PPP3CA: variants seen among roughly 807,000 people sequenced by gnomAD.
PPP3CA encodes CAM-PRP catalytic subunit.
A neutral mutation model predicts 66.5 loss-of-function variants in PPP3CA; 14 were observed. The ratio of observed to expected loss-of-function variants is 0.21; its 90% confidence interval spans 0.14 to 0.33. The LOEUF is 0.33. Among genes scored for constraint, PPP3CA ranks in the 10% least tolerant of loss-of-function variants. The pLI is 1.00. For missense variants in PPP3CA, 317 were observed against 639.5 expected (o/e 0.50, Z 5.44); for synonymous variants, 232 against 226.2 (o/e 1.03, Z -0.23).
intron 7 of PPP3CA, among the ~76,000 whole-genome samples, chr4:101,080,928 C>T (rs866468474): frequency 2.8e-4 from 42 of 152,136 alleles, no homozygotes; most frequent in African/African-American, 9.6e-4. Context: ...TCCATGTGTT[C>T]AACAGAAGGC....
intron 1 of PPP3CA, among the ~76,000 whole-genome samples, chr4:101,222,822 A>T (rs1327094887): frequency 6.6e-6 from 1 of 151,594 alleles, no homozygotes; most frequent in Admixed American, 6.6e-5. Flanking sequence ...TTTTTGCTCC[A>T]GTATATCTGA....
At chr4:101,164,991 A>G (rs938171673) in intron 2 of PPP3CA, among the ~76,000 whole-genome samples, 1 of 151,996 alleles carries the variant, frequency 6.6e-6, no homozygotes, top group Admixed American at 6.6e-5. Context: ...ATTAGCACTG[A>G]CTCTGGGTAG....
intron 1 of PPP3CA, among the ~76,000 whole-genome samples, chr4:101,325,732 C>T (rs998787515): frequency 3.3e-5 from 5 of 152,130 alleles, no homozygotes; most frequent in Non-Finnish European, 5.9e-5. Context: ...TTCTACTGCT[C>T]ACAGTCTTCA....
chr4:101,067,585 C>T (rs191284660), intron 8 of PPP3CA, among the ~76,000 whole-genome samples: 7 of 146,256 alleles, frequency 4.8e-5, no homozygotes, highest in African/African-American at 7.7e-5. Flanking sequence ...GAAAACATTT[C>T]GCAACATGCT....
chr4:101,263,447 G>A (rs746981559), intron 1 of PPP3CA, among the ~76,000 whole-genome samples: 1 of 152,122 alleles, frequency 6.6e-6, no homozygotes, highest in Non-Finnish European at 1.5e-5. Flanking sequence ...ACAAACAAAT[G>A]TTTTTGTTAA....
chr4:101,246,047 T>C (rs1034160842), intron 1 of PPP3CA, among the ~76,000 whole-genome samples: 4 of 152,150 alleles, frequency 2.6e-5, no homozygotes, highest in African/African-American at 9.7e-5. Flanking sequence ...CTTCACAAGT[T>C]ATACGTCAAC....
intron 7 of PPP3CA, among the ~76,000 whole-genome samples, chr4:101,082,391 A>G (rs1234372618): frequency 3.3e-5 from 5 of 152,204 alleles, no homozygotes; most frequent in Non-Finnish European, 5.9e-5. Flanking sequence ...CACACAGGTT[A>G]TAAAAAGAAG....
At chr4:101,317,253 A>C (rs1040031743) in intron 1 of PPP3CA, among the ~76,000 whole-genome samples, 13 of 145,312 alleles carry the variant, frequency 8.9e-5, no homozygotes, top group Non-Finnish European at 1.8e-4. Context: ...CGGTACTCCC[A>C]ACACACACAC....
chr4:101,094,246 CTTACT>C lies in PPP3CA; in HGVS notation c.643-336_643-332del, dbSNP rs577842873. 2.5e-3 allele frequency among the ~76,000 whole-genome samples: 374 copies of C among 152,256 alleles called. 2 individuals carry two copies. The highest frequency in any genetic ancestry group is 8.4e-3 in the African/African-American group (347 of 41,550). On this transcript the variant is annotated intron_variant, in intron 5 of 13. Coordinates refer to ENST00000394854, the MANE Select transcript of PPP3CA (RefSeq NM_000944.5). ...TCTACATTTTATCCTTCTCTCCTTA[CTTACT>C]TTATCTATCCAAATGTTTTTTTCAT...
At chr4:101,143,091 T>A (rs907776290) in intron 2 of PPP3CA, among the ~76,000 whole-genome samples, 1 of 152,196 alleles carries the variant, frequency 6.6e-6, no homozygotes, top group African/African-American at 2.4e-5. Context: ...GTTTAATTTC[T>A]ACCACACAAG....
At chr4:101,253,268 A>AC (rs1553935873) in intron 1 of PPP3CA, among the ~76,000 whole-genome samples, 1 of 152,122 alleles carries the variant, frequency 6.6e-6, no homozygotes, top group African/African-American at 2.4e-5. Context: ...ACTATATATT[A>AC]TTTTTTAGCA....
chr4:101,129,265 A>G (rs184870164), intron 2 of PPP3CA, among the ~76,000 whole-genome samples: 1,818 of 152,196 alleles, frequency 0.012, 21 homozygotes, highest in Non-Finnish European at 0.017. Flanking sequence ...TTATAGATAA[A>G]ACTCCCATCT....
chr4:101,310,381 T>C (rs1339668508), intron 1 of PPP3CA, among the ~76,000 whole-genome samples: 1 of 152,068 alleles, frequency 6.6e-6, no homozygotes, highest in Non-Finnish European at 1.5e-5. Context: ...AGAACAGAAA[T>C]AGTAAATTAT....
intron 1 of PPP3CA, among the ~76,000 whole-genome samples, chr4:101,238,838 T>C (rs1260557572): frequency 1.3e-5 from 2 of 152,088 alleles, no homozygotes; most frequent in African/African-American, 4.8e-5. Flanking sequence ...ACTTAATTCT[T>C]TCTCTGACCT....
intron 1 of PPP3CA, among the ~76,000 whole-genome samples, chr4:101,318,787 T>C (rs1728954757): frequency 6.6e-6 from 1 of 152,138 alleles, no homozygotes; most frequent in African/African-American, 2.4e-5. Context: ...AGCATTCTGT[T>C]TTCAATATGA....
At chr4:101,191,740 T>C (rs371158027) in intron 2 of PPP3CA, among the ~76,000 whole-genome samples, 7 of 152,200 alleles carry the variant, frequency 4.6e-5, no homozygotes, top group African/African-American at 1.7e-4. Flanking sequence ...ATTCTCCTAA[T>C]TGACGTCAGC....
rs560225775 is a variant in PPP3CA, at chr4:101,193,914, G to A, written c.259+2002C>T. On this transcript the variant is annotated intron_variant, in intron 2 of 13. Transcript: ENST00000394854. ...GTACAACTCTTCTCTAAACATCTGA[G>A]ACTGAAACATTTTTATTAATAAAAA... 2.0e-5 allele frequency among the ~76,000 whole-genome samples: 3 copies of A among 152,280 alleles called. No individual in the cohort carries two copies. The South Asian group carries it at 6.2e-4, about 32-fold the overall frequency.
At chr4:101,112,901 C>T (rs1174272214) in intron 2 of PPP3CA, among the ~76,000 whole-genome samples, 1 of 152,094 alleles carries the variant, frequency 6.6e-6, no homozygotes, top group Non-Finnish European at 1.5e-5. Flanking sequence ...TGCCTAGACA[C>T]TTGTGTGCCC....
At chr4:101,209,161 C>G (rs1159409910) in intron 1 of PPP3CA, among the ~76,000 whole-genome samples, 1 of 151,940 alleles carries the variant, frequency 6.6e-6, no homozygotes, top group African/African-American at 2.4e-5. Context: ...GAGATTTTAA[C>G]AGTCCAAAAT....
Sources: allele counts gnomAD v4.1 joint callset (sites outside exome capture counted in the v4.1 genomes callset), GRCh38; gene constraint gnomAD v4.1.1; transcripts MANE v1.5; gene names NCBI Gene and HGNC (gene_info 2026-07-23, HGNC 2026-07-21).